PM20D2: variants seen among roughly 807,000 people sequenced by gnomAD.
PM20D2 encodes xaa-Arg dipeptidase.
In PM20D2, 33 loss-of-function variants were observed where a neutral mutation model predicts 42.9. The observed-to-expected ratio is 0.77, with a 90% confidence interval of 0.58 to 1.03. The LOEUF is 1.03. PM20D2 is among the 50% of genes least tolerant of loss of function. PM20D2 has a pLI of 0.00. For synonymous variants in PM20D2, 250 were observed against 228.2 expected (o/e 1.10, Z -0.86); for missense variants, 548 against 557.0 (o/e 0.98, Z 0.16).
chr6:89,095,044 A>C, the PM20D2 span, among the ~76,000 whole-genome samples: 7 of 152,116 alleles, frequency 4.6e-5, no homozygotes, highest in Non-Finnish European at 1.0e-4. Context: ...ATGCACACAC[A>C]GTAGTTTGGC....
the PM20D2 span, chr6:89,106,751 G>A: frequency 1.8e-5 from 6 of 339,740 alleles, no homozygotes; most frequent in South Asian, 1.2e-4. Flanking sequence ...TATAAGAGAC[G>A]CAGAACCAAC....
chr6:89,160,974 G>A (rs1241143671), intron 5 of PM20D2, among the ~76,000 whole-genome samples: 1 of 151,982 alleles, frequency 6.6e-6, no homozygotes, highest in Non-Finnish European at 1.5e-5. Context: ...GGTTGGAAAG[G>A]TGAATGAAGA....
chr6:89,136,635 G>T, the PM20D2 span, among the ~76,000 whole-genome samples: 1 of 150,696 alleles, frequency 6.6e-6, no homozygotes, highest in African/African-American at 2.5e-5. Flanking sequence ...CTAAGATCGC[G>T]CCACTGCACT....
chr6:89,102,063 G>GTTA, the PM20D2 span, among the ~76,000 whole-genome samples: 5 of 151,640 alleles, frequency 3.3e-5, no homozygotes, highest in Non-Finnish European at 5.9e-5. Context: ...ATACTAGATA[G>GTTA]TAACATTGAA....
chr6:89,158,889 T>G (rs963777444), intron 5 of PM20D2, among the ~76,000 whole-genome samples: 4 of 150,758 alleles, frequency 2.7e-5, no homozygotes, highest in Non-Finnish European at 4.4e-5. Flanking sequence ...GTTATGTTAG[T>G]TTTTTTTTCC....
the PM20D2 span, chr6:89,118,016 C>CGCCAGCGCGCAGCCGCAGAG: frequency 1.0e-6 from 1 of 954,770 alleles, no homozygotes; most frequent in Non-Finnish European, 1.5e-6. Flanking sequence ...GCCTCAGCCC[C>CGCCAGCGCGCAGCCGCAGAG]GCCAGCGCGC....
At chr6:89,131,047 CT>C in the PM20D2 span, among the ~76,000 whole-genome samples, 2 of 151,828 alleles carry the variant, frequency 1.3e-5, no homozygotes, top group Non-Finnish European at 2.9e-5. Context: ...GGTCAAGGGG[CT>C]GCATCTGGTA....
At chr6:89,120,205 T>C in the PM20D2 span, among the ~76,000 whole-genome samples, 5 of 152,158 alleles carry the variant, frequency 3.3e-5, no homozygotes, top group African/African-American at 7.2e-5. Flanking sequence ...CAATTCAAGA[T>C]GAAATTTGGG....
the PM20D2 span, among the ~76,000 whole-genome samples, chr6:89,100,844 A>C: frequency 1.8e-4 from 27 of 152,380 alleles, no homozygotes; most frequent in Non-Finnish European, 4.4e-5. Context: ...GCAGTGGCTC[A>C]TGCCTGTAAT....
chr6:89,162,150 G>C lies in PM20D2; in HGVS notation c.1198G>C (p.Ala400Pro). The C allele has an allele frequency of 6.2e-7, 1 of 1,614,172 alleles. No individual in the cohort carries two copies. Among genetic ancestry groups the C allele is most frequent in the Non-Finnish European group, 8.5e-7 (1 of 1,180,004 alleles). Reference protein sequence around the residue: ...AQFYTLRTAKALAMTALDVIF... With the variant: ...AQFYTLRTAKPLAMTALDVIF... ...GTTCTACACTCTGCGGACGGCCAAA[G>C]CTCTGGCAATGACGGCACTGGATGT... The change falls in exon 7 of 7, where the codon GCT becomes CCT. Residue 400 changes from alanine (A) to proline (P), a missense_variant. Physicochemically the swap from Ala to Pro is conservative, Grantham distance 27. Around this residue, in one of 3 missense-constraint regions of PM20D2, gnomAD observed 71 missense variants for 69.7 expected, o/e 1.02. Coordinates refer to ENST00000275072, the MANE Select transcript of PM20D2 (RefSeq NM_001010853.3).
upstream of PM20D2, among the ~76,000 whole-genome samples, chr6:89,145,643 C>T (rs1331546747): frequency 1.3e-5 from 2 of 152,072 alleles, no homozygotes; most frequent in Admixed American, 6.6e-5. Context: ...CGTACAGTAC[C>T]GTCGTTAGTA....
chr6:89,099,415 C>CACAT, the PM20D2 span, among the ~76,000 whole-genome samples: 797 of 140,418 alleles, frequency 5.7e-3, 11 homozygotes, highest in Middle Eastern at 0.026. Flanking sequence ...TATATATATA[C>CACAT]ATATATATAT....
chr6:89,116,658 C>T, the PM20D2 span, among the ~76,000 whole-genome samples: 2 of 151,898 alleles, frequency 1.3e-5, no homozygotes, highest in Non-Finnish European at 2.9e-5. Flanking sequence ...GCCTGTAATC[C>T]CATCTACTTT....
the PM20D2 span, among the ~76,000 whole-genome samples, chr6:89,129,098 C>G: frequency 6.6e-6 from 1 of 151,978 alleles, no homozygotes; most frequent in Non-Finnish European, 1.5e-5. Flanking sequence ...GGTGGCCTCT[C>G]ATTCTGTGGC....
At chr6:89,098,506 G>T in the PM20D2 span, 3 of 1,492,360 alleles carry the variant, frequency 2.0e-6, no homozygotes, top group Non-Finnish European at 2.7e-6. Flanking sequence ...ATGCCTTAAA[G>T]AATTTTTATT....
chr6:89,107,450 C>A, the PM20D2 span, among the ~76,000 whole-genome samples: 1 of 152,122 alleles, frequency 6.6e-6, no homozygotes, highest in South Asian at 2.1e-4. Context: ...CATTCTCAGG[C>A]CAGGTGTGGT....
At chr6:89,135,730 G>GA in the PM20D2 span, among the ~76,000 whole-genome samples, 1 of 151,226 alleles carries the variant, frequency 6.6e-6, no homozygotes, top group African/African-American at 2.5e-5. Flanking sequence ...AGAAAACTGT[G>GA]AAACAGTTGT....
At chr6:89,128,363 G>T in the PM20D2 span, among the ~76,000 whole-genome samples, 1 of 152,086 alleles carries the variant, frequency 6.6e-6, no homozygotes, top group Non-Finnish European at 1.5e-5. Context: ...TATTAGGGTG[G>T]GGAGAAAACT....
the PM20D2 span, among the ~76,000 whole-genome samples, chr6:89,114,167 C>T: frequency 6.6e-6 from 1 of 152,206 alleles, no homozygotes; most frequent in Non-Finnish European, 1.5e-5. Context: ...GTGGCTCATG[C>T]CTGTAATCCC....
Sources: gnomAD v4.1 joint callset for allele counts (sites outside exome capture counted in the v4.1 genomes callset) on GRCh38, gnomAD v4.1.1 for gene constraint, gnomAD v4.1.1 regional missense constraint, MANE v1.5 for transcripts, NCBI Gene and HGNC (gene_info 2026-07-23, HGNC 2026-07-21) for gene names.